G3BP1: variants seen among roughly 807,000 people sequenced by gnomAD.
G3BP1 encodes the protein G3BP stress granule assembly factor 1.
Under a neutral mutation model 58.6 loss-of-function variants are expected in G3BP1, and 35 were observed. That is an observed-to-expected ratio of 0.60 (90% CI 0.46 to 0.79). The LOEUF is 0.79. Ranked by LOEUF, G3BP1 falls within the 30% of genes least tolerant of loss-of-function variation. The pLI is 0.00. For missense variants in G3BP1, 523 were observed against 580.8 expected (o/e 0.90, Z 1.02); for synonymous variants, 191 against 195.4 (o/e 0.98, Z 0.19).
chr5:151,778,993 G>A (rs1464997319), intron 1 of G3BP1, among the ~76,000 whole-genome samples: 1 of 151,792 alleles, frequency 6.6e-6, no homozygotes, highest in Non-Finnish European at 1.5e-5. Flanking sequence ...GGAGGTGGAG[G>A]TTGCGGTGAG....
At chr5:151,794,008 C>A (rs891830816) in intron 4 of G3BP1, 151 bp from the exon 5 acceptor site, 1 of 580,000 alleles carries the variant, frequency 1.7e-6, no homozygotes, top group African/African-American at 1.9e-5. Context: ...AAGACCCTGT[C>A]TCAGAACCCC....
chr5:151,785,028 C>CT (rs1417854062), intron 1 of G3BP1, among the ~76,000 whole-genome samples: 6 of 152,184 alleles, frequency 3.9e-5, no homozygotes, highest in Non-Finnish European at 8.8e-5. Context: ...AAATTAAATG[C>CT]TAATTGAGAC....
intron 2 of G3BP1, among the ~76,000 whole-genome samples, chr5:151,788,358 A>G (rs912975098): frequency 2.0e-5 from 3 of 152,036 alleles, no homozygotes; most frequent in African/African-American, 7.2e-5. Context: ...ACATATGCAC[A>G]TGACTATTAA....
chr5:151,793,316 C>T (rs908723427), intron 4 of G3BP1, among the ~76,000 whole-genome samples: 2 of 152,074 alleles, frequency 1.3e-5, no homozygotes, highest in African/African-American at 4.8e-5. Context: ...ACCATATTGG[C>T]CAGGCTGGTC....
intron 4 of G3BP1, 133 bp downstream of exon 4, chr5:151,791,195 T>C: frequency 8.3e-6 from 6 of 725,516 alleles, no homozygotes; most frequent in Non-Finnish European, 1.5e-5. Flanking sequence ...CACTAACTCC[T>C]ATATACTCCT....
chr5:151,788,840 CTA>C (rs1441543702), intron 2 of G3BP1, among the ~76,000 whole-genome samples: 1 of 151,788 alleles, frequency 6.6e-6, no homozygotes, highest in Non-Finnish European at 1.5e-5. Context: ...TGCAGTGGCG[CTA>C]TCTCGGCTCA....
In G3BP1 at chr5:151,811,995, T is replaced by C. The variant is rs1763024678; in HGVS notation, c.*7904T>C. 1 of 152,254 alleles carries C rather than the reference T, an allele frequency of 6.6e-6. No individual in the cohort carries two copies. Among genetic ancestry groups the C allele is most frequent in the Non-Finnish European group, 1.5e-5 (1 of 68,044 alleles). The allele number at this position is 152,254 out of a possible 1,614,324, so 9.4% of individuals were successfully genotyped here. Reference sequence around the variant, plus strand: ...TGCTTTTTAGAAGTATCTTCTACTTTGGCTAGCTGTCAGAGTTGCCGCTAT... The same window carrying C: ...TGCTTTTTAGAAGTATCTTCTACTTCGGCTAGCTGTCAGAGTTGCCGCTAT... On this transcript the variant is annotated 3_prime_UTR_variant, in exon 12 of 12. Coordinates refer to ENST00000356245, the MANE Select transcript of G3BP1 (RefSeq NM_005754.3).
chr5:151,787,930 T>TGAGA (rs144682085), intron 2 of G3BP1: 5 of 164,558 alleles, frequency 3.0e-5, no homozygotes, highest in African/African-American at 7.3e-5. Flanking sequence ...TGTGTGTGTG[T>TGAGA]GAGAGAGAGA....
At chr5:151,800,051 C>T in intron 9 of G3BP1, 51 bp downstream of exon 9, 1 of 1,306,936 alleles carries the variant, frequency 7.7e-7, no homozygotes, top group Non-Finnish European at 1.1e-6. Context: ...GAGGTGAGAG[C>T]TTATTTTGGG....
chr5:151,772,445 A>G (rs759741242), intron 1 of G3BP1: 9 of 152,262 alleles, frequency 5.9e-5, no homozygotes, highest in Non-Finnish European at 1.3e-4. Flanking sequence ...TTCGGACCAG[A>G]AGGAGGCTTT....
chr5:151,781,032 T>G (rs763916299), intron 1 of G3BP1, among the ~76,000 whole-genome samples: 6 of 152,128 alleles, frequency 3.9e-5, no homozygotes, highest in Non-Finnish European at 7.3e-5. Flanking sequence ...TGGAAAATTT[T>G]TTTTGGAGAT....
chr5:151,783,012 C>T (rs1478416783), intron 1 of G3BP1, among the ~76,000 whole-genome samples: 1 of 151,914 alleles, frequency 6.6e-6, no homozygotes, highest in African/African-American at 2.4e-5. Flanking sequence ...CGCACGCCAC[C>T]ATGCTTGGCT....
chr5:151,778,127 T>C lies in G3BP1; in HGVS notation c.-50+6091T>C, dbSNP rs75530440. The stretch of plus-strand genomic sequence containing the variant: ...CTTGGGTAAATGCTTAATAGGGGAA[T>C]GTTTAGATCATGTAGTAGATGTATG... On this transcript the variant is annotated intron_variant, in intron 1 of 11. Transcript: ENST00000356245. 8.6e-3 allele frequency among the ~76,000 whole-genome samples: 1,314 copies of C among 152,294 alleles called. 16 individuals are homozygous for C. The highest frequency in any genetic ancestry group is 0.03 in the African/African-American group (1,261 of 41,548).
chr5:151,785,777 G>A (rs186777538), intron 1 of G3BP1, among the ~76,000 whole-genome samples: 2 of 152,262 alleles, frequency 1.3e-5, no homozygotes, highest in South Asian at 2.1e-4. Flanking sequence ...TTACATGATA[G>A]AATGAAGTAG....
intron 6 of G3BP1, among the ~76,000 whole-genome samples, chr5:151,796,378 C>G (rs1762749580): frequency 6.6e-6 from 1 of 152,224 alleles, no homozygotes; most frequent in African/African-American, 2.4e-5. Context: ...AAGCAATCCC[C>G]CTGCCTCAGC....
Position 151,804,815 on chromosome 5 carries a change from A to G in G3BP1, c.*724A>G, listed in dbSNP as rs1431492159. 1 of 152,634 alleles carries G rather than the reference A, an allele frequency of 6.6e-6. No homozygotes were observed. Among genetic ancestry groups the G allele is most frequent in the Non-Finnish European group, 1.5e-5 (1 of 68,026 alleles). 9.5% of individuals were successfully genotyped at this position (152,634 alleles called of 1,614,324 possible). ...TTTTTGAAGTAGTTTTTTCATGTTT[A>G]ATTTGTATTTGTAAAAAAACAAAAA... On this transcript the variant is annotated 3_prime_UTR_variant, in exon 12 of 12. Coordinates refer to ENST00000356245, the MANE Select transcript of G3BP1 (RefSeq NM_005754.3).
chr5:151,786,172 C>G (rs1762552595), intron 1 of G3BP1, among the ~76,000 whole-genome samples: 1 of 152,148 alleles, frequency 6.6e-6, no homozygotes, highest in Non-Finnish European at 1.5e-5. Context: ...GCCAGTAGTC[C>G]CAGCTACTAT....
chr5:151,788,317 A>T (rs775278870), intron 2 of G3BP1, among the ~76,000 whole-genome samples: 1 of 152,072 alleles, frequency 6.6e-6, no homozygotes, highest in African/African-American at 2.4e-5. Flanking sequence ...CATTTTGCAG[A>T]TACACTCAGA....
At chr5:151,781,640 A>G (rs1762473693) in intron 1 of G3BP1, among the ~76,000 whole-genome samples, 1 of 152,254 alleles carries the variant, frequency 6.6e-6, no homozygotes, top group East Asian at 1.9e-4. Context: ...GATCTGTACC[A>G]TAGGTTGAGG....
Sources: gnomAD v4.1 joint callset for allele counts (sites outside exome capture counted in the v4.1 genomes callset) on GRCh38, gnomAD v4.1.1 for gene constraint, MANE v1.5 for transcripts, NCBI Gene and HGNC (gene_info 2026-07-23, HGNC 2026-07-21) for gene names.